CDK6: variants seen among roughly 807,000 people sequenced by gnomAD.
The protein encoded by CDK6 is cyclin-dependent kinase 6.
In CDK6, 6 loss-of-function variants were observed where a neutral mutation model predicts 37.1. That is an observed-to-expected ratio of 0.16 (90% confidence interval 0.09 to 0.32). CDK6 has a LOEUF of 0.32. Among genes scored for constraint, CDK6 ranks in the 10% least tolerant of loss-of-function variants. The pLI is 1.00. For missense variants in CDK6, 224 were observed against 418.9 expected (o/e 0.53, Z 4.06); for synonymous variants, 160 against 161.3 (o/e 0.99, Z 0.06).
chr7:92,648,060 G>A (rs1796490379), intron 5 of CDK6, among the ~76,000 whole-genome samples: 1 of 152,126 alleles, frequency 6.6e-6, no homozygotes, highest in Admixed American at 6.6e-5. Context: ...ATTCATGTTG[G>A]GGATTCGTTT....
At chr7:92,760,152 A>T (rs1314975930) in intron 3 of CDK6, among the ~76,000 whole-genome samples, 1 of 152,184 alleles carries the variant, frequency 6.6e-6, no homozygotes, top group African/African-American at 2.4e-5. Context: ...TAATTTAAAA[A>T]TTTACTCTCA....
chr7:92,626,486 C>T (rs966452472), intron 5 of CDK6, among the ~76,000 whole-genome samples: 2 of 152,006 alleles, frequency 1.3e-5, no homozygotes, highest in African/African-American at 4.8e-5. Flanking sequence ...AGTAAAGTAA[C>T]ATCTAAGGAA....
At chr7:92,786,981 C>T (rs1029312798) in intron 2 of CDK6, among the ~76,000 whole-genome samples, 1 of 151,528 alleles carries the variant, frequency 6.6e-6, no homozygotes, top group Non-Finnish European at 1.5e-5. Flanking sequence ...GTCAGGAGTT[C>T]GAGATCAGCC....
chr7:92,656,886 T>C (rs576653060), intron 5 of CDK6, among the ~76,000 whole-genome samples: 52 of 152,234 alleles, frequency 3.4e-4, no homozygotes, highest in African/African-American at 1.2e-3. Flanking sequence ...GGAGCATTCT[T>C]ATCTCTGAAG....
intron 5 of CDK6, among the ~76,000 whole-genome samples, chr7:92,656,198 A>G (rs1378868764): frequency 1.3e-5 from 2 of 152,152 alleles, no homozygotes; most frequent in Non-Finnish European, 1.5e-5. Flanking sequence ...AAGCTAGGTA[A>G]TATCTTTTAT....
intron 3 of CDK6, among the ~76,000 whole-genome samples, chr7:92,755,339 T>TA (rs1365135991): frequency 6.6e-6 from 1 of 151,840 alleles, no homozygotes; most frequent in Non-Finnish European, 1.5e-5. Context: ...CTTTTTTTTT[T>TA]AACGGTCATT....
rs1469137666 is a variant in CDK6 at position 92,609,205 on chromosome 7, GGTGCT to G, written c.*5930_*5934del. ...TCAAAAGGAATAAGCTGCTTTCTGT[GGTGCT>G]GTGCTAAGGAAACTGAAAAATACTG... On this transcript the variant is annotated 3_prime_UTR_variant, in exon 8 of 8. Coordinates refer to ENST00000424848, the MANE Select transcript of CDK6 (RefSeq NM_001145306.2). 2 of 232,668 alleles carry G rather than the reference GGTGCT, an allele frequency of 8.6e-6. No individual in the cohort carries two copies. The highest frequency in any genetic ancestry group is 4.4e-5 in the African/African-American group (2 of 45,260). The allele number at this position is 232,668 out of a possible 1,614,324, so 14.4% of individuals were successfully genotyped here.
At chr7:92,621,852 A>G (rs1192235611) in intron 6 of CDK6, among the ~76,000 whole-genome samples, 3 of 152,172 alleles carry the variant, frequency 2.0e-5, no homozygotes, top group South Asian at 2.1e-4. Context: ...CCTTAAAGCT[A>G]CTATGTTCTG....
At chr7:92,646,768 T>C (rs1349118711) in intron 5 of CDK6, among the ~76,000 whole-genome samples, 23 of 152,174 alleles carry the variant, frequency 1.5e-4, no homozygotes, top group Admixed American at 1.5e-3. Context: ...GGGATTCTTC[T>C]GTAAGTTTCA....
intron 5 of CDK6, among the ~76,000 whole-genome samples, chr7:92,634,116 T>C (rs920799345): frequency 3.9e-5 from 6 of 152,194 alleles, no homozygotes; most frequent in Non-Finnish European, 8.8e-5. Context: ...ATCTCCATTC[T>C]AGGGTCACAG....
At chr7:92,728,464 G>A (rs571463458) in intron 3 of CDK6, among the ~76,000 whole-genome samples, 1 of 152,130 alleles carries the variant, frequency 6.6e-6, no homozygotes, top group Non-Finnish European at 1.5e-5. Context: ...TCTGCAATAT[G>A]ACTTTTTTTA....
Position 92,618,180 on chromosome 7 carries a change from G to A in CDK6, c.726C>T (p.Asp242=), listed in dbSNP as rs762200561. The part of the protein sequence containing the change: ...LDVIGLPGEE[D]WPRDVALPRQ... ...TGGGAAGGGCAACATCTCTAGGCCA[G>A]TCTTCTTCTCCTGGGAGTCCAATCA... Residue 242 remains aspartate, a synonymous_variant, in exon 7 of 8, where the codon GAC becomes GAT. Transcript: ENST00000424848. The A allele has an allele frequency of 4.3e-6, 7 of 1,614,036 alleles. No homozygotes were observed. The South Asian group carries it at 7.7e-5, about 18-fold the overall frequency.
chr7:92,771,005 G>C (rs1799700947), intron 3 of CDK6, among the ~76,000 whole-genome samples: 2 of 152,076 alleles, frequency 1.3e-5, no homozygotes, highest in African/African-American at 4.8e-5. Flanking sequence ...GGGAGGCCAA[G>C]AGGTGGGCGG....
chr7:92,797,931 T>C (rs930398186), intron 2 of CDK6, among the ~76,000 whole-genome samples: 1 of 152,142 alleles, frequency 6.6e-6, no homozygotes, highest in African/African-American at 2.4e-5. Flanking sequence ...ACACTGGAGG[T>C]GCTCCAGTGA....
rs1795653348 is a variant in CDK6 at position 92,615,342 on chromosome 7, T to G, written c.835-56A>C. On this transcript the variant is annotated intron_variant, in intron 7 of 7. Transcript: ENST00000424848. ...ATACAATACATCAATGTAAATAATG[T>G]ACTTACAGAGTTATCCCTTTATTCA... 2.8e-6 allele frequency: 4 copies of G among 1,412,926 alleles called. No individual in the cohort carries two copies. The African/African-American group carries it at 4.3e-5, about 15-fold the overall frequency. 87.5% of individuals were successfully genotyped at this position (1,412,926 alleles called of 1,614,324 possible).
chr7:92,830,600 A>AC (rs1170443391), intron 2 of CDK6, among the ~76,000 whole-genome samples: 4 of 152,132 alleles, frequency 2.6e-5, no homozygotes, highest in African/African-American at 9.7e-5. Context: ...TTATTTCCTG[A>AC]CCCTGTCTGA....
chr7:92,715,137 G>A (rs1377213321), intron 4 of CDK6, among the ~76,000 whole-genome samples: 2 of 152,110 alleles, frequency 1.3e-5, no homozygotes, highest in Non-Finnish European at 2.9e-5. Flanking sequence ...ACATTTCAAA[G>A]CATTGGTAAC....
chr7:92,824,463 A>G (rs1414030391), intron 2 of CDK6, among the ~76,000 whole-genome samples: 2 of 152,170 alleles, frequency 1.3e-5, no homozygotes, highest in East Asian at 3.8e-4. Flanking sequence ...AGTTTTGACA[A>G]TGTGTTCTCA....
At chr7:92,683,450 G>T (rs1447800877) in intron 4 of CDK6, among the ~76,000 whole-genome samples, 1 of 152,198 alleles carries the variant, frequency 6.6e-6, no homozygotes, top group African/African-American at 2.4e-5. Flanking sequence ...TAAAATCCAA[G>T]TTCAGGCACA....
Sources: gnomAD v4.1 joint callset for allele counts (sites outside exome capture counted in the v4.1 genomes callset) on GRCh38, gnomAD v4.1.1 for gene constraint, MANE v1.5 for transcripts, NCBI Gene and HGNC (gene_info 2026-07-23, HGNC 2026-07-21) for gene names.